ACVR1B: variants seen among roughly 807,000 people sequenced by gnomAD.
ACVR1B encodes the protein activin receptor type-1B.
Under a neutral mutation model 55.6 loss-of-function variants are expected in ACVR1B, and 15 were observed. The ratio of observed to expected loss-of-function variants is 0.27; its 90% CI spans 0.18 to 0.42. The LOEUF is 0.42. Among genes scored for constraint, ACVR1B ranks in the 10% least tolerant of loss-of-function variants. The pLI is 1.00. For synonymous variants in ACVR1B, 247 were observed against 254.6 expected, an observed-to-expected ratio of 0.97 and a Z score of 0.28; for missense variants, 359 against 670.1, an observed-to-expected ratio of 0.54 and a Z score of 5.13.
chr12:51,962,009 C>T (rs1941539570), intron 1 of ACVR1B, among the ~76,000 whole-genome samples: 1 of 152,200 alleles, frequency 6.6e-6, no homozygotes, highest in Admixed American at 6.5e-5. Flanking sequence ...AATGACAGGT[C>T]TCCTTAGCAT....
At chr12:51,952,039 C>CG (rs904998326) in intron 1 of ACVR1B, among the ~76,000 whole-genome samples, 2 of 152,044 alleles carry the variant, frequency 1.3e-5, no homozygotes, top group African/African-American at 4.8e-5. Flanking sequence ...GAGCTCACGC[C>CG]GGGCCCCTGG....
intron 1 of ACVR1B, among the ~76,000 whole-genome samples, chr12:51,970,428 G>A (rs573591989): frequency 5.9e-5 from 9 of 152,242 alleles, no homozygotes; most frequent in African/African-American, 2.2e-4. Context: ...GTTCCTGTGG[G>A]GATCACAGGA....
At chr12:51,972,060 C>T (rs1941755061) in intron 1 of ACVR1B, among the ~76,000 whole-genome samples, 1 of 152,050 alleles carries the variant, frequency 6.6e-6, no homozygotes, top group Non-Finnish European at 1.5e-5. Flanking sequence ...TTAGGTTTTA[C>T]ATTGAGGGGG....
intron 1 of ACVR1B, among the ~76,000 whole-genome samples, chr12:51,970,109 A>G (rs979285247): frequency 6.6e-6 from 1 of 152,224 alleles, no homozygotes; most frequent in Admixed American, 6.5e-5. Context: ...CCAATAGCGC[A>G]TTTGATACGG....
intron 1 of ACVR1B, among the ~76,000 whole-genome samples, chr12:51,967,551 C>G (rs967153965): frequency 2.6e-5 from 4 of 152,162 alleles, no homozygotes; most frequent in Non-Finnish European, 5.9e-5. Context: ...AAGAGCAAGA[C>G]TCCGTCTTAA....
intron 1 of ACVR1B, among the ~76,000 whole-genome samples, chr12:51,967,388 G>A (rs369163805): frequency 6.6e-6 from 1 of 151,774 alleles, no homozygotes. Flanking sequence ...GTGAAACCCC[G>A]TCTCTACTAA....
intron 7 of ACVR1B, 148 bp downstream of exon 7, chr12:51,987,090 T>C: frequency 2.8e-6 from 3 of 1,074,094 alleles, no homozygotes; most frequent in South Asian, 1.3e-5. Flanking sequence ...ATCAAAGGTG[T>C]GGAGGTAGCT....
rs112942820 is a variant in ACVR1B, at chr12:51,976,321, A to T, written c.332-6A>T. 30 of 1,613,438 alleles carry T rather than the reference A, an allele frequency of 1.9e-5. No homozygotes were observed. Among genetic ancestry groups the T allele is most frequent in the Admixed American group, 1.8e-4 (11 of 59,950 alleles). Reference sequence around the variant, plus strand: ...TTCTTTCCCTCTCCTCTCTCACTTGACTCAGGTCACCTCAAGGAGCCTGAG... The same window carrying T: ...TTCTTTCCCTCTCCTCTCTCACTTGTCTCAGGTCACCTCAAGGAGCCTGAG... On this transcript the variant is annotated splice_polypyrimidine_tract_variant and splice_region_variant and intron_variant, in intron 2 of 8. Coordinates refer to ENST00000257963, the MANE Select transcript of ACVR1B (RefSeq NM_004302.5).
chr12:51,953,886 T>G (rs1941359524), intron 1 of ACVR1B, among the ~76,000 whole-genome samples: 1 of 151,944 alleles, frequency 6.6e-6, no homozygotes, highest in Admixed American at 6.6e-5. Flanking sequence ...AAATAGGGAG[T>G]TCGTTTCTTT....
intron 4 of ACVR1B, among the ~76,000 whole-genome samples, chr12:51,983,745 C>A (rs537696174): frequency 6.6e-6 from 1 of 152,182 alleles, no homozygotes; most frequent in Non-Finnish European, 1.5e-5. Flanking sequence ...TGTTCAGAAT[C>A]CTACAGTTCA....
intron 1 of ACVR1B, among the ~76,000 whole-genome samples, chr12:51,958,583 G>A (rs1431939674): frequency 2.0e-5 from 3 of 151,756 alleles, no homozygotes; most frequent in Non-Finnish European, 4.4e-5. Flanking sequence ...GGGAGGCGGA[G>A]GTTGCAGTCA....
chr12:51,993,255 C>T (rs186077861), intron 8 of ACVR1B, among the ~76,000 whole-genome samples: 3 of 152,326 alleles, frequency 2.0e-5, no homozygotes, highest in African/African-American at 7.2e-5. Context: ...GAGAGGTTGG[C>T]TCTGCCTTTA....
At chr12:51,988,965 AAATT>A (rs1227298807) in intron 7 of ACVR1B, among the ~76,000 whole-genome samples, 2 of 151,978 alleles carry the variant, frequency 1.3e-5, no homozygotes, top group Non-Finnish European at 2.9e-5. Flanking sequence ...AAAAATAAAA[AAATT>A]AGCCAGACAT....
intron 8 of ACVR1B, 142 bp from the exon 9 acceptor site, chr12:51,993,843 T>A: frequency 3.0e-6 from 2 of 673,722 alleles, no homozygotes; most frequent in East Asian, 5.4e-5. Flanking sequence ...GCAGAGCATT[T>A]CCCTAAGGTC....
intron 8 of ACVR1B, 42 bp from the exon 9 acceptor site, chr12:51,993,943 C>G: frequency 6.2e-7 from 1 of 1,609,872 alleles, no homozygotes; most frequent in Non-Finnish European, 8.5e-7. Flanking sequence ...AAAGGCTTCT[C>G]CAGGGCATGA....
intron 1 of ACVR1B, among the ~76,000 whole-genome samples, chr12:51,964,306 C>T (rs2120497675): frequency 6.6e-6 from 1 of 152,134 alleles, no homozygotes; most frequent in Non-Finnish European, 1.5e-5. Flanking sequence ...TTGCGTGGCT[C>T]CTGTTCAGTT....
intron 7 of ACVR1B, among the ~76,000 whole-genome samples, chr12:51,990,000 A>T (rs531872065): frequency 4.6e-5 from 7 of 151,982 alleles, no homozygotes; most frequent in Middle Eastern, 3.4e-3. Flanking sequence ...GGAAAAAAAA[A>T]TGAACATTAG....
intron 4 of ACVR1B, among the ~76,000 whole-genome samples, chr12:51,983,212 G>A (rs1150054): frequency 4.3e-4 from 66 of 152,138 alleles, no homozygotes; most frequent in Non-Finnish European, 6.5e-4. Context: ...AATTGACAAC[G>A]GCATGGCTTA....
At chr12:51,951,878 C>T in intron 1 of ACVR1B, 44 bp downstream of exon 1, 5 of 1,186,384 alleles carry the variant, frequency 4.2e-6, no homozygotes, top group Non-Finnish European at 4.3e-6. Flanking sequence ...GGAGAGGGCC[C>T]GGCAAGGGCG....
Sources: allele counts gnomAD v4.1 joint callset (sites outside exome capture counted in the v4.1 genomes callset), GRCh38; gene constraint gnomAD v4.1.1; transcripts MANE v1.5; gene names NCBI Gene and HGNC (gene_info 2026-07-23, HGNC 2026-07-21).